Variants in ADGRL3 observed in about 807,000 individuals in gnomAD.
The protein encoded by ADGRL3 is adhesion G protein-coupled receptor L3.
A neutral mutation model predicts 153.5 loss-of-function variants in ADGRL3; 62 were observed. The ratio of observed to expected loss-of-function variants is 0.40; its 90% CI spans 0.33 to 0.50. ADGRL3 has a LOEUF of 0.50. ADGRL3 is among the 20% of genes least tolerant of loss of function. ADGRL3 has a pLI of 0.47. For synonymous variants in ADGRL3, 710 were observed against 672.5 expected (o/e 1.06, Z -0.86); for missense variants, 1,641 against 1,859.4 (o/e 0.88, Z 2.16).
chr4:61,791,113 C>T (rs1272180480), intron 8 of ADGRL3, among the ~76,000 whole-genome samples: 1 of 152,136 alleles, frequency 6.6e-6, no homozygotes, highest in African/African-American at 2.4e-5. Context: ...ACCAATCATG[C>T]CTTCCCAGCA....
intron 8 of ADGRL3, among the ~76,000 whole-genome samples, chr4:61,756,527 G>T (rs549742149): frequency 6.6e-6 from 1 of 152,058 alleles, no homozygotes; most frequent in Non-Finnish European, 1.5e-5. Context: ...GGGCTGAGAC[G>T]ATGGGGTTTT....
At chr4:61,600,599 A>G (rs1347484361) in intron 5 of ADGRL3, among the ~76,000 whole-genome samples, 1 of 152,184 alleles carries the variant, frequency 6.6e-6, no homozygotes, top group Non-Finnish European at 1.5e-5. Context: ...CTTATTATAA[A>G]CATAGAAAAA....
At chr4:61,598,518 A>G (rs538986510) in intron 5 of ADGRL3, among the ~76,000 whole-genome samples, 1 of 152,318 alleles carries the variant, frequency 6.6e-6, no homozygotes, top group African/African-American at 2.4e-5. Context: ...AATCTGTTGT[A>G]CTATAATTTT....
chr4:61,239,670 AAAG>A (rs1300565049), intron 1 of ADGRL3, among the ~76,000 whole-genome samples: 1 of 152,108 alleles, frequency 6.6e-6, no homozygotes, highest in Non-Finnish European at 1.5e-5. Context: ...AAACAGGAAA[AAAG>A]AAGAAGCTGG....
intron 2 of ADGRL3, among the ~76,000 whole-genome samples, chr4:61,434,458 A>G (rs187459157): frequency 1.3e-4 from 20 of 152,162 alleles, no homozygotes; most frequent in Non-Finnish European, 2.4e-4. Context: ...CTTAAAACAT[A>G]TGGTATTTGA....
At chr4:61,826,423 C>T (rs1208494271) in intron 9 of ADGRL3, among the ~76,000 whole-genome samples, 2 of 152,034 alleles carry the variant, frequency 1.3e-5, no homozygotes, top group Admixed American at 6.6e-5. Flanking sequence ...TTTCTATTCT[C>T]ATGGAGTACA....
chr4:61,789,414 G>A (rs920358545), intron 8 of ADGRL3, among the ~76,000 whole-genome samples: 5 of 152,018 alleles, frequency 3.3e-5, no homozygotes, highest in African/African-American at 7.2e-5. Flanking sequence ...ATCACCAAGC[G>A]TGCTGAGTAA....
intron 2 of ADGRL3, among the ~76,000 whole-genome samples, chr4:61,423,801 G>T (rs1165451150): frequency 6.6e-6 from 1 of 152,148 alleles, no homozygotes; most frequent in African/African-American, 2.4e-5. Flanking sequence ...CCAGGGCCAT[G>T]GTTAACCTGA....
At chr4:61,850,298 C>T (rs545444891) in intron 9 of ADGRL3, among the ~76,000 whole-genome samples, 4 of 152,164 alleles carry the variant, frequency 2.6e-5, no homozygotes, top group South Asian at 4.1e-4. Flanking sequence ...AATTAAATAT[C>T]GGTTGGTGCA....
intron 5 of ADGRL3, among the ~76,000 whole-genome samples, chr4:61,603,857 A>C (rs1292313187): frequency 6.6e-6 from 1 of 152,122 alleles, no homozygotes; most frequent in African/African-American, 2.4e-5. Flanking sequence ...ATATGCATCC[A>C]CAAAACCCAA....
At chr4:62,039,794 T>C (rs1727178652) in intron 24 of ADGRL3, among the ~76,000 whole-genome samples, 1 of 152,158 alleles carries the variant, frequency 6.6e-6, no homozygotes, top group African/African-American at 2.4e-5. Context: ...GACTTTTCAA[T>C]TGATATTGCT....
rs1178744033 is a variant in ADGRL3 at position 61,200,657 on chromosome 4, C to T, written c.-1348C>T. Among the ~76,000 whole-genome samples, 1 of 151,828 alleles carries T rather than the reference C, an allele frequency of 6.6e-6. No homozygotes were observed. The highest frequency in any genetic ancestry group is 1.5e-5 in the Non-Finnish European group (1 of 67,928). ...CCTTGGTCCTCTTCCTACGGGTGTG[C>T]GCGCGCGCGGGTTGCACGGTTTGCT... On this transcript the variant is annotated 5_prime_UTR_variant, in exon 1 of 27. Transcript: ENST00000683033.
intron 21 of ADGRL3, among the ~76,000 whole-genome samples, chr4:62,016,104 A>G (rs912996696): frequency 9.3e-5 from 14 of 150,774 alleles, no homozygotes; most frequent in Admixed American, 5.3e-4. Context: ...GCTGGAGTGC[A>G]GTGGCCTGAT....
chr4:61,785,971 G>GC (rs1179671960), intron 8 of ADGRL3, among the ~76,000 whole-genome samples: 13 of 152,258 alleles, frequency 8.5e-5, no homozygotes, highest in African/African-American at 3.1e-4. Context: ...CCAAGATCAT[G>GC]CCACTGCATT....
In ADGRL3 at chr4:61,445,237, C is replaced by A. The variant is rs28636811; in HGVS notation, c.-173-51884C>A. Among the ~76,000 whole-genome samples, 24 of 152,058 alleles carry A rather than the reference C, an allele frequency of 1.6e-4. No homozygotes were observed. In the East Asian group the frequency reaches 4.7e-3, roughly 30 times the overall value. ...GGTACTAGGAGGAGGATGATAGATC[C>A]GCAAAGAATTGTGAAGTTAGCAACA... On this transcript the variant is annotated intron_variant, in intron 2 of 26. Transcript: ENST00000683033.
chr4:62,071,027 C>A lies in ADGRL3; in HGVS notation c.*119C>A. The A allele has an allele frequency of 5.8e-6, 5 of 855,296 alleles. No homozygotes were observed. The highest frequency in any genetic ancestry group is 1.7e-5 in the African/African-American group (1 of 58,292). 53.0% of individuals were successfully genotyped at this position (855,296 alleles called of 1,614,324 possible). On this transcript the variant is annotated 3_prime_UTR_variant, in exon 27 of 27. Transcript: ENST00000683033. ...AAATCTTTATGCTGTCCTCTAAAGACAAACACAAACTCTCAGACTTTTTTT... is the reference window on the plus strand; with the variant it reads ...AAATCTTTATGCTGTCCTCTAAAGAAAAACACAAACTCTCAGACTTTTTTT...
At chr4:61,439,360 T>C (rs375668799) in intron 2 of ADGRL3, among the ~76,000 whole-genome samples, 9 of 152,328 alleles carry the variant, frequency 5.9e-5, no homozygotes, top group East Asian at 5.8e-4. Context: ...CATCAAGATA[T>C]GGTTTCAAGT....
At chr4:61,993,164 T>TTGTGTGTGTGTGTGTGTG (rs3065140) in intron 19 of ADGRL3, among the ~76,000 whole-genome samples, 1 of 138,506 alleles carries the variant, frequency 7.2e-6, no homozygotes, top group Non-Finnish European at 1.5e-5. Context: ...TGGGCTGCAG[T>TTGTGTGTGTGTGTGTGTG]TGTGTGTGTG....
chr4:61,458,235 A>C (rs2097774412), intron 2 of ADGRL3, among the ~76,000 whole-genome samples: 1 of 151,520 alleles, frequency 6.6e-6, no homozygotes, highest in Admixed American at 6.6e-5. Context: ...TATAAATATT[A>C]TTATTTAACT....
Sources: gnomAD v4.1 joint callset for allele counts (sites outside exome capture counted in the v4.1 genomes callset) on GRCh38, gnomAD v4.1.1 for gene constraint, MANE v1.5 for transcripts, NCBI Gene and HGNC (gene_info 2026-07-23, HGNC 2026-07-21) for gene names.